Variants in DLG2 observed in about 807,000 individuals in gnomAD.
The protein encoded by DLG2 is disks large homolog 2.
DLG2 carries 45 observed loss-of-function variants against 132.5 expected under a neutral mutation model. The ratio of observed to expected loss-of-function variants is 0.34; its 90% confidence interval spans 0.27 to 0.44. The LOEUF is 0.44. DLG2 is among the 20% of genes least tolerant of loss of function. The probability of loss-of-function intolerance (pLI) is 1.00; values close to 1 mark genes in which losing one functional copy is unlikely to be tolerated. For synonymous variants in DLG2, 424 were observed against 419.6 expected (o/e 1.01, Z -0.13); for missense variants, 1,045 against 1,196.9 (o/e 0.87, Z 1.87).
intron 6 of DLG2, among the ~76,000 whole-genome samples, chr11:84,664,751 A>G (rs1283119234): frequency 6.6e-6 from 1 of 152,148 alleles, no homozygotes; most frequent in African/African-American, 2.4e-5. Context: ...TTTATTTTCT[A>G]TCATACTTCT....
intron 3 of DLG2, among the ~76,000 whole-genome samples, chr11:85,390,006 C>G (rs2086663036): frequency 6.6e-6 from 1 of 152,100 alleles, no homozygotes; most frequent in African/African-American, 2.4e-5. Flanking sequence ...TACCTCACAT[C>G]TCCATACTAA....
intron 6 of DLG2, among the ~76,000 whole-genome samples, chr11:84,823,652 GTTA>G (rs2077984225): frequency 6.8e-6 from 1 of 147,586 alleles, no homozygotes; most frequent in Admixed American, 6.8e-5. Context: ...GCCGAGCCCA[GTTA>G]TTTTCTCCAT....
intron 16 of DLG2, among the ~76,000 whole-genome samples, chr11:83,846,771 T>G (rs1217876326): frequency 6.6e-6 from 1 of 152,168 alleles, no homozygotes; most frequent in Non-Finnish European, 1.5e-5. Flanking sequence ...TAAAAATATT[T>G]GGAGTACTTT....
intron 20 of DLG2, among the ~76,000 whole-genome samples, chr11:83,540,668 T>G (rs1232837860): frequency 1.3e-5 from 2 of 152,186 alleles, no homozygotes. Context: ...CCCATTATGG[T>G]TTGTACTAGC....
At chr11:85,470,372 C>T (rs988859552) in intron 3 of DLG2, among the ~76,000 whole-genome samples, 1 of 151,982 alleles carries the variant, frequency 6.6e-6, no homozygotes, top group Admixed American at 6.6e-5. Context: ...AGGATTTGCA[C>T]AGTTGGGGTA....
intron 18 of DLG2, among the ~76,000 whole-genome samples, chr11:83,753,835 GATATATATC>G (rs1351721438): frequency 1.9e-3 from 34 of 18,348 alleles, no homozygotes; most frequent in Admixed American, 2.6e-3. Flanking sequence ...ATATATATAT[GATATATATC>G]ATATATATCA....
intron 6 of DLG2, among the ~76,000 whole-genome samples, chr11:85,041,435 C>G (rs2061857366): frequency 6.6e-6 from 1 of 151,862 alleles, no homozygotes; most frequent in Non-Finnish European, 1.5e-5. Context: ...CCTTATTTTA[C>G]TCATCTAAAA....
chr11:84,689,290 G>A (rs1240974164), intron 6 of DLG2, among the ~76,000 whole-genome samples: 2 of 151,496 alleles, frequency 1.3e-5, no homozygotes, highest in African/African-American at 2.4e-5. Context: ...ACTTAAGTGG[G>A]ACCAACATTC....
intron 10 of DLG2, among the ~76,000 whole-genome samples, chr11:84,083,600 G>C (rs1158921392): frequency 6.6e-6 from 1 of 152,172 alleles, no homozygotes; most frequent in Non-Finnish European, 1.5e-5. Flanking sequence ...TAGTTATTTA[G>C]AGAGAAGGTG....
chr11:83,653,480 T>C (rs2153523859), intron 18 of DLG2, among the ~76,000 whole-genome samples: 1 of 152,304 alleles, frequency 6.6e-6, no homozygotes, highest in South Asian at 2.1e-4. Flanking sequence ...ATTAAATTTA[T>C]TTTGTCTGTA....
intron 7 of DLG2, among the ~76,000 whole-genome samples, chr11:84,275,585 G>T (rs1286414386): frequency 6.6e-6 from 1 of 152,170 alleles, no homozygotes; most frequent in African/African-American, 2.4e-5. Flanking sequence ...TTGATCTCCT[G>T]ACCTCGTGAT....
At chr11:84,770,542 A>G (rs1484568611) in intron 6 of DLG2, among the ~76,000 whole-genome samples, 1 of 152,038 alleles carries the variant, frequency 6.6e-6, no homozygotes, top group African/African-American at 2.4e-5. Context: ...CCCACTTTTA[A>G]GTGAGAGCAT....
In DLG2 at chr11:83,457,493, A is replaced by AGT. The variant is rs1245370318; in HGVS notation, c.*2324_*2325insAC. 5.2e-5 allele frequency: 8 copies of AGT among 152,670 alleles called. No homozygotes were observed. The highest frequency in any genetic ancestry group is 1.9e-4 in the African/African-American group (8 of 41,464). The allele number at this position is 152,670 out of a possible 1,614,324, so 9.5% of individuals were successfully genotyped here. ...TAATCTGAAAGCATCTACACTAGGA[A>AGT]AATAAATAGTTATATTACTACAAAA... On this transcript the variant is annotated 3_prime_UTR_variant, in exon 28 of 28. Coordinates refer to ENST00000376104, the MANE Select transcript of DLG2 (RefSeq NM_001142699.3).
chr11:85,298,936 A>T (rs891891239), intron 3 of DLG2, among the ~76,000 whole-genome samples: 3 of 152,188 alleles, frequency 2.0e-5, no homozygotes, highest in African/African-American at 7.2e-5. Flanking sequence ...TTCAAAAAAA[A>T]TTTAATGCCC....
chr11:85,002,078 T>C (rs2058269240), intron 6 of DLG2, among the ~76,000 whole-genome samples: 1 of 152,172 alleles, frequency 6.6e-6, no homozygotes, highest in African/African-American at 2.4e-5. Context: ...TTCCAATAGA[T>C]AGTCAGTGTT....
intron 17 of DLG2, among the ~76,000 whole-genome samples, chr11:83,830,690 G>C (rs1362486223): frequency 6.6e-6 from 1 of 152,230 alleles, no homozygotes; most frequent in African/African-American, 2.4e-5. Context: ...AAAGTGTGCT[G>C]AGAGGAGAAA....
intron 7 of DLG2, among the ~76,000 whole-genome samples, chr11:84,453,223 C>G (rs534167516): frequency 4.0e-5 from 6 of 151,674 alleles, no homozygotes; most frequent in African/African-American, 1.2e-4. Flanking sequence ...GTATGTAAAG[C>G]CTTGATCACT....
At chr11:83,942,314 A>G (rs946517664) in intron 14 of DLG2, among the ~76,000 whole-genome samples, 4 of 151,918 alleles carry the variant, frequency 2.6e-5, no homozygotes, top group Admixed American at 6.6e-5. Flanking sequence ...TAGACACACC[A>G]TATTATTAAG....
intron 2 of DLG2, among the ~76,000 whole-genome samples, chr11:85,611,086 A>G (rs2080966410): frequency 6.6e-6 from 1 of 152,232 alleles, no homozygotes; most frequent in Non-Finnish European, 1.5e-5. Context: ...TCACAGAGAC[A>G]GCAGGGATAG....
Sources: gnomAD v4.1 joint callset for allele counts (sites outside exome capture counted in the v4.1 genomes callset) on GRCh38, gnomAD v4.1.1 for gene constraint, MANE v1.5 for transcripts, NCBI Gene and HGNC (gene_info 2026-07-23, HGNC 2026-07-21) for gene names.